CCDC191: variants seen among roughly 807,000 people sequenced by gnomAD.
The protein encoded by CCDC191 is coiled-coil domain containing 191.
CCDC191 carries 99 observed loss-of-function variants against 114.0 expected under a neutral mutation model. The observed-to-expected ratio is 0.87, with a 90% confidence interval of 0.74 to 1.03. CCDC191 has a LOEUF of 1.03. Among genes scored for constraint, CCDC191 ranks in the 50% least tolerant of loss-of-function variants. CCDC191 has a pLI of 0.00. For missense variants in CCDC191, 973 were observed against 1,087.0 expected (o/e 0.90, Z 1.47); for synonymous variants, 351 against 376.0 (o/e 0.93, Z 0.77).
chr3:113,965,186 G>T lies in CCDC191; in HGVS notation c.2780C>A (p.Ser927Tyr). 2 of 1,607,102 alleles carry T rather than the reference G, an allele frequency of 1.2e-6. No individual in the cohort carries two copies. The highest frequency in any genetic ancestry group is 1.3e-5 in the African/African-American group (1 of 74,628). The change falls in exon 17 of 17, where the codon TCC becomes TAC. Residue 927 changes from serine to tyrosine, a missense_variant. Physicochemically the swap from Ser to Tyr is moderately radical, Grantham distance 144 (BLOSUM62 -2). Transcript: ENST00000295878. ...GTTCACCAGACTTGTCTTACTCAAG[G>T]ACCAAGTATCTGATTGCTGATATAG... ...HELYQQSDTW[S>Y]LSKTSLVNE
In CCDC191 at chr3:113,974,235, G is replaced by C. The variant is rs1177681396; in HGVS notation, c.2606+3951C>G. Among the ~76,000 whole-genome samples, 3 of 151,490 alleles carry C rather than the reference G, an allele frequency of 2.0e-5. 1 individual carries two copies. The highest frequency in any genetic ancestry group is 6.3e-3 in the Middle Eastern group (2 of 316). ...ACTGCTATTTTGAATGTTGGTTAGA[G>C]TTTACATATTGCCTTCTCATTAGGG... On this transcript the variant is annotated intron_variant, in intron 16 of 16. Transcript: ENST00000295878.
At chr3:113,983,248 TCC>T (rs2075233833) in intron 13 of CCDC191, among the ~76,000 whole-genome samples, 1 of 152,188 alleles carries the variant, frequency 6.6e-6, no homozygotes, top group Admixed American at 6.6e-5. Flanking sequence ...CCTCACTAGC[TCC>T]TTATCCTCTA....
At chr3:114,015,904 T>G (rs1484502970) in intron 8 of CCDC191, among the ~76,000 whole-genome samples, 3 of 152,192 alleles carry the variant, frequency 2.0e-5, no homozygotes, top group African/African-American at 7.2e-5. Flanking sequence ...GGACTGCAAG[T>G]GAGACTCAGC....
Position 113,980,527 on chromosome 3 carries a change from C to T in CCDC191, c.2307+123G>A, listed in dbSNP as rs2075109896. On this transcript the variant is annotated intron_variant, in intron 14 of 16. Transcript: ENST00000295878. The stretch of plus-strand genomic sequence containing the variant: ...TGTATCCAAAACAAATACACACATT[C>T]AATTAATTTATCTTTCTGGCTTTAA... The T allele has an allele frequency of 2.6e-5, 23 of 901,380 alleles. No individual in the cohort carries two copies. The South Asian group carries it at 4.9e-4, about 19-fold the overall frequency. 55.8% of individuals were successfully genotyped at this position (901,380 alleles called of 1,614,324 possible).
chr3:114,028,837 G>C (rs1226393363), intron 7 of CCDC191, among the ~76,000 whole-genome samples: 1 of 150,732 alleles, frequency 6.6e-6, no homozygotes, highest in Non-Finnish European at 1.5e-5. Flanking sequence ...AGGAAAAGGA[G>C]AATAACATGA....
At chr3:114,047,483 G>A (rs2076645577) in intron 2 of CCDC191, among the ~76,000 whole-genome samples, 1 of 152,082 alleles carries the variant, frequency 6.6e-6, no homozygotes, top group African/African-American at 2.4e-5. Context: ...GGCACTTAGT[G>A]AGACTCCAAC....
intron 3 of CCDC191, among the ~76,000 whole-genome samples, chr3:114,046,360 T>C (rs1321834902): frequency 6.6e-6 from 1 of 152,228 alleles, no homozygotes; most frequent in Non-Finnish European, 1.5e-5. Flanking sequence ...CAATTAGCTG[T>C]TGTATCAAAC....
At chr3:114,003,438 C>T (rs1206208638) in intron 11 of CCDC191, 3 of 985,274 alleles carry the variant, frequency 3.0e-6, no homozygotes, top group Non-Finnish European at 3.6e-6. Flanking sequence ...GGTAGTGCCA[C>T]AGATGGCGAG....
chr3:114,032,597 A>G (rs2076422650), intron 6 of CCDC191, among the ~76,000 whole-genome samples: 1 of 152,184 alleles, frequency 6.6e-6, no homozygotes, highest in African/African-American at 2.4e-5. Context: ...ATCTTTCTTG[A>G]ACTTTTAGTT....
chr3:113,984,174 A>C (rs912931982), intron 13 of CCDC191: 1 of 152,186 alleles, frequency 6.6e-6, no homozygotes, highest in Non-Finnish European at 1.5e-5. Context: ...ATATCTCTCC[A>C]AAGAAATATA....
intron 3 of CCDC191, 136 bp from the exon 4 acceptor site, chr3:114,042,982 G>T: frequency 1.3e-6 from 1 of 757,784 alleles, no homozygotes; most frequent in Non-Finnish European, 2.0e-6. Context: ...GAATACAACA[G>T]TGAACAAAAC....
chr3:113,979,106 A>T, intron 14 of CCDC191, 96 bp from the exon 15 acceptor site: 1 of 1,137,482 alleles, frequency 8.8e-7, no homozygotes, highest in Non-Finnish European at 1.3e-6. Flanking sequence ...AAACACATTT[A>T]GGCAGTCGGT....
In CCDC191 at chr3:114,034,927, T is replaced by C; in HGVS notation, c.816A>G (p.Lys272=). 6.2e-7 allele frequency: 1 copy of C among 1,613,630 alleles called. No homozygotes were observed. Among genetic ancestry groups the C allele is most frequent in the Non-Finnish European group, 8.5e-7 (1 of 1,179,852 alleles). ...CAGTGCTTATCACACTGGCTTACAT[T>C]TTCCATGCTGCTTTCACAGTGCGTC... The part of the protein sequence containing the change: ...ERRRTVKAAW[K]IEKKRQEENS... The change falls in exon 6 of 17, where the codon AAA becomes AAG. Residue 272 remains lysine, a splice_region_variant and synonymous_variant. Transcript: ENST00000295878.
At chr3:114,050,615 C>T (rs965473245) in intron 2 of CCDC191, among the ~76,000 whole-genome samples, 4 of 152,162 alleles carry the variant, frequency 2.6e-5, no homozygotes, top group Middle Eastern at 6.8e-3. Context: ...GAGGGATCAA[C>T]GTGAGTCAAA....
intron 2 of CCDC191, among the ~76,000 whole-genome samples, chr3:114,051,189 C>T (rs917105931): frequency 6.6e-6 from 1 of 152,180 alleles, no homozygotes; most frequent in African/African-American, 2.4e-5. Flanking sequence ...CCAACATCAA[C>T]CTCTGATCCA....
At chr3:114,051,435 A>T (rs1232057632) in intron 2 of CCDC191, among the ~76,000 whole-genome samples, 1 of 152,156 alleles carries the variant, frequency 6.6e-6, no homozygotes, top group Non-Finnish European at 1.5e-5. Flanking sequence ...TTAGTACCAT[A>T]AAATATTATG....
At chr3:114,056,536 T>A (rs372900926), upstream of CCDC191, 1 of 1,610,806 alleles carries the variant, frequency 6.2e-7, no homozygotes, top group Non-Finnish European at 8.5e-7. Flanking sequence ...TGCCTCCGGG[T>A]CACGCTGGGA....
chr3:114,041,286 A>G (rs1334129417), intron 4 of CCDC191, among the ~76,000 whole-genome samples: 1 of 152,184 alleles, frequency 6.6e-6, no homozygotes, highest in African/African-American at 2.4e-5. Context: ...ATGTGGTATA[A>G]AAAAATTGTT....
At chr3:114,025,270 A>G (rs532766748) in intron 7 of CCDC191, among the ~76,000 whole-genome samples, 2 of 151,780 alleles carry the variant, frequency 1.3e-5, no homozygotes, top group Non-Finnish European at 2.9e-5. Flanking sequence ...AAAAAAAAAA[A>G]AAACAAAACC....
Sources: gnomAD v4.1 joint callset for allele counts (sites outside exome capture counted in the v4.1 genomes callset) on GRCh38, gnomAD v4.1.1 for gene constraint, MANE v1.5 for transcripts, NCBI Gene and HGNC (gene_info 2026-07-23, HGNC 2026-07-21) for gene names.